The following ADGRF5 variants were observed in gnomAD, a reference collection of about 807,000 sequenced individuals.
ADGRF5 encodes the protein adhesion G protein-coupled receptor F5.
Under a neutral mutation model 132.3 loss-of-function variants are expected in ADGRF5, and 75 were observed. The ratio of observed to expected loss-of-function variants is 0.57; its 90% confidence interval spans 0.47 to 0.69. ADGRF5 has a LOEUF of 0.69. Ranked by LOEUF, ADGRF5 falls within the 30% of genes least tolerant of loss-of-function variation. The pLI, the probability that ADGRF5 is intolerant of heterozygous loss-of-function variation, is 0.00. For missense variants in ADGRF5, 1,516 were observed against 1,630.6 expected (o/e 0.93, Z 1.21); for synonymous variants, 629 against 597.6 (o/e 1.05, Z -0.77).
At chr6:46,911,471 A>G (rs561933661) in intron 1 of ADGRF5, among the ~76,000 whole-genome samples, 1 of 152,292 alleles carries the variant, frequency 6.6e-6, no homozygotes, top group South Asian at 2.1e-4. Context: ...CCTATCATTT[A>G]TTTGGTTTAT....
intron 2 of ADGRF5, 30 bp downstream of exon 2, chr6:46,906,631 A>AC (rs767922648): frequency 3.5e-6 from 4 of 1,139,340 alleles, no homozygotes; most frequent in Non-Finnish European, 5.2e-6. Flanking sequence ...TGTGACAAGA[A>AC]AAATTATAGC....
At chr6:46,932,599 C>A (rs1777605851) in intron 1 of ADGRF5, among the ~76,000 whole-genome samples, 1 of 152,154 alleles carries the variant, frequency 6.6e-6, no homozygotes, top group Non-Finnish European at 1.5e-5. Flanking sequence ...AAAGTAATTT[C>A]TGAGGAAGAG....
At chr6:46,942,387 G>A (rs915409668) in intron 1 of ADGRF5, among the ~76,000 whole-genome samples, 3 of 152,198 alleles carry the variant, frequency 2.0e-5, no homozygotes, top group African/African-American at 7.2e-5. Context: ...AACGCAGCAC[G>A]CTATTAGAGA....
chr6:46,874,261 T>C (rs1771395928), intron 10 of ADGRF5, among the ~76,000 whole-genome samples: 1 of 152,184 alleles, frequency 6.6e-6, no homozygotes, highest in African/African-American at 2.4e-5. Flanking sequence ...AAAAATTAGA[T>C]CATCTCCTGG....
chr6:46,896,876 T>C (rs985863286), intron 3 of ADGRF5, among the ~76,000 whole-genome samples: 4 of 152,262 alleles, frequency 2.6e-5, no homozygotes, highest in Middle Eastern at 3.4e-3. Flanking sequence ...AAAAGTACAG[T>C]ACAACAACTA....
At chr6:46,890,338 C>T (rs982124330) in intron 3 of ADGRF5, among the ~76,000 whole-genome samples, 1 of 152,066 alleles carries the variant, frequency 6.6e-6, no homozygotes, top group African/African-American at 2.4e-5. Flanking sequence ...AGCGATCTGC[C>T]TGCCTTGGCC....
chr6:46,927,765 A>G (rs1306199169), intron 1 of ADGRF5, among the ~76,000 whole-genome samples: 1 of 152,052 alleles, frequency 6.6e-6, no homozygotes, highest in Non-Finnish European at 1.5e-5. Context: ...CCACTTACCT[A>G]GGTACCAGCT....
chr6:46,901,930 G>C (rs115874897), intron 2 of ADGRF5, among the ~76,000 whole-genome samples: 5 of 151,996 alleles, frequency 3.3e-5, no homozygotes, highest in Admixed American at 2.6e-4. Context: ...TGTTCCCCTC[G>C]CTGATGCCCT....
In ADGRF5 at chr6:46,888,214, C is replaced by T. The variant is rs569894541; in HGVS notation, c.328+121G>A. The stretch of plus-strand genomic sequence containing the variant: ...CTGTGAAGTCACAGAATCACACATC[C>T]GTCTCGGTGAGTCATTTCACTTGCC... On this transcript the variant is annotated intron_variant, in intron 4 of 20. Transcript: ENST00000283296. 49 of 678,730 alleles carry T rather than the reference C, an allele frequency of 7.2e-5. No homozygotes were observed. The Middle Eastern group carries it at 8.7e-4, about 12-fold the overall frequency. The allele number at this position is 678,730 out of a possible 1,614,324, so 42.0% of individuals were successfully genotyped here.
chr6:46,951,989 G>T lies in ADGRF5; in HGVS notation c.-25+2745C>A, dbSNP rs552749195. ...AAGCATGAGAGAATGTGAGTGCAGA[G>T]GCTCTGTGGATATGGTCTTCTCTTT... is the stretch of plus-strand genomic sequence containing the variant. On this transcript the variant is annotated intron_variant, in intron 1 of 20. Transcript: ENST00000265417. Among the ~76,000 whole-genome samples, 5 of 152,354 alleles carry T rather than the reference G, an allele frequency of 3.3e-5. No individual in the cohort carries two copies. In the South Asian group the frequency reaches 6.2e-4, roughly 19 times the overall value.
At chr6:46,868,325 C>T (rs898485895) in intron 12 of ADGRF5, among the ~76,000 whole-genome samples, 4 of 152,198 alleles carry the variant, frequency 2.6e-5, no homozygotes, top group African/African-American at 7.2e-5. Flanking sequence ...TATTGTTTCA[C>T]ATGAATTAAT....
intron 12 of ADGRF5, 105 bp from the exon 13 acceptor site, chr6:46,867,242 G>A (rs1383959438): frequency 1.1e-5 from 7 of 665,048 alleles, no homozygotes; most frequent in East Asian, 2.7e-5. Context: ...TCAAGCTTTA[G>A]TAAAGGAATA....
At chr6:46,856,615 T>C (rs552546470) in intron 19 of ADGRF5, 103 bp downstream of exon 19, 26 of 744,146 alleles carry the variant, frequency 3.5e-5, no homozygotes, top group South Asian at 2.7e-4. Context: ...TTTAGCCTAA[T>C]TGATCAAAAT....
chr6:46,869,434 C>A, intron 11 of ADGRF5: 1 of 970,172 alleles, frequency 1.0e-6, no homozygotes, highest in Non-Finnish European at 1.2e-6. Flanking sequence ...CCCCTCCAAC[C>A]TCCTCTGTAA....
intron 1 of ADGRF5, among the ~76,000 whole-genome samples, chr6:46,951,625 T>C (rs1028594299): frequency 6.6e-6 from 1 of 152,230 alleles, no homozygotes; most frequent in Admixed American, 6.5e-5. Context: ...TACGTGCTTC[T>C]AGGTTTTTCC....
At chr6:46,861,305 G>A (rs112397421) in intron 15 of ADGRF5, among the ~76,000 whole-genome samples, 115 of 152,242 alleles carry the variant, frequency 7.6e-4, no homozygotes, top group African/African-American at 2.6e-3. Flanking sequence ...ATTTTCCAGG[G>A]ACTGTTCTGG....
At chr6:46,855,698 A>G (rs1397699642) in intron 20 of ADGRF5, among the ~76,000 whole-genome samples, 2 of 152,202 alleles carry the variant, frequency 1.3e-5, no homozygotes, top group South Asian at 2.1e-4. Context: ...ATTTTGATGG[A>G]TGATATTTTG....
intron 10 of ADGRF5, among the ~76,000 whole-genome samples, chr6:46,872,960 C>A (rs1276090474): frequency 6.6e-6 from 1 of 152,168 alleles, no homozygotes; most frequent in Admixed American, 6.5e-5. Flanking sequence ...TCCCTAGACC[C>A]CAGAAAGGTT....
rs749854135 is a variant in ADGRF5, at chr6:46,882,075, G to A, written c.645C>T (p.Phe215=). The change falls in exon 7 of 21, where the codon TTC becomes TTT. Residue 215 remains phenylalanine (F), a synonymous_variant. Coordinates refer to ENST00000283296, the MANE Select transcript of ADGRF5 (RefSeq NM_001098518.2). ...TGAACCCTGTCACAGTCACGCCCTT[G>A]AAGCCTGGTAAAATTCCGTAACCCT... ...FRKGYGILPG[F]KGVTVTGFKS... 1.9e-6 allele frequency: 3 copies of A among 1,611,788 alleles called. No homozygotes were observed. The highest frequency in any genetic ancestry group is 1.7e-6 in the Non-Finnish European group (2 of 1,177,946).
Sources: allele counts gnomAD v4.1 joint callset (sites outside exome capture counted in the v4.1 genomes callset), GRCh38; gene constraint gnomAD v4.1.1; transcripts MANE v1.5; gene names NCBI Gene and HGNC (gene_info 2026-07-23, HGNC 2026-07-21).